The following ADAM10 variants were observed in gnomAD, a reference collection of about 807,000 sequenced individuals.
ADAM10 encodes ADAM metallopeptidase domain 10.
Under a neutral mutation model 90.1 loss-of-function variants are expected in ADAM10, and 17 were observed. That is an observed-to-expected ratio of 0.19 (90% CI 0.13 to 0.28). The LOEUF (loss-of-function observed/expected upper bound fraction) is 0.28. Among genes scored for constraint, ADAM10 ranks in the 10% least tolerant of loss-of-function variants. The pLI, the probability that ADAM10 is intolerant of heterozygous loss-of-function variation, is 1.00. For missense variants in ADAM10, 610 were observed against 914.3 expected (o/e 0.67, Z 4.29); for synonymous variants, 310 against 298.6 (o/e 1.04, Z -0.40).
At chr15:58,687,201 T>C (rs1897626209) in intron 2 of ADAM10, among the ~76,000 whole-genome samples, 1 of 152,206 alleles carries the variant, frequency 6.6e-6, no homozygotes, top group Non-Finnish European at 1.5e-5. Context: ...TAACACTAAT[T>C]ATGGGAGCAG....
chr15:58,729,063 A>G lies in ADAM10; in HGVS notation c.56-11336T>C, dbSNP rs186427982. Among the ~76,000 whole-genome samples, 114 of 152,328 alleles carry G rather than the reference A, an allele frequency of 7.5e-4. 1 individual carries two copies. Among genetic ancestry groups the G allele is most frequent in the South Asian group, 1.2e-3 (6 of 4,826 alleles). ...TCCAATTCAACACTGAATCTAAAAT[A>G]AAAGAAAATATGAGCCATGTGCAGT... On this transcript the variant is annotated intron_variant, in intron 1 of 15. Transcript: ENST00000260408.
chr15:58,743,318 T>C (rs1305086072), intron 1 of ADAM10, among the ~76,000 whole-genome samples: 2 of 152,302 alleles, frequency 1.3e-5, no homozygotes, highest in East Asian at 3.9e-4. Context: ...CAGTGGCCAA[T>C]GACTGCCCTT....
intron 10 of ADAM10, among the ~76,000 whole-genome samples, chr15:58,626,976 A>G (rs1374636727): frequency 6.6e-6 from 1 of 152,204 alleles, no homozygotes; most frequent in Non-Finnish European, 1.5e-5. Context: ...ACTTTATGCT[A>G]TATATATTTT....
chr15:58,638,250 GA>G (rs1452913988), intron 8 of ADAM10, among the ~76,000 whole-genome samples: 2 of 152,036 alleles, frequency 1.3e-5, no homozygotes, highest in Non-Finnish European at 1.5e-5. Context: ...CAGAGGGGGG[GA>G]AAATGGGGAT....
chr15:58,673,804 G>A (rs1037867821), intron 4 of ADAM10, among the ~76,000 whole-genome samples: 2 of 150,878 alleles, frequency 1.3e-5, no homozygotes, highest in Non-Finnish European at 2.9e-5. Context: ...GCATGATCTC[G>A]GCTCACTGCA....
intron 15 of ADAM10, 63 bp from the exon 16 acceptor site, chr15:58,597,704 C>T (rs911442712): frequency 8.2e-6 from 13 of 1,578,428 alleles, no homozygotes; most frequent in Non-Finnish European, 1.0e-5. Context: ...TCTTTAAAAG[C>T]AAAGCTGCTG....
intron 3 of ADAM10, among the ~76,000 whole-genome samples, chr15:58,680,403 G>A (rs1010689105): frequency 4.6e-5 from 7 of 152,296 alleles, no homozygotes; most frequent in South Asian, 2.1e-4. Context: ...GATTACAGGC[G>A]TGAGTCACCA....
At chr15:58,654,810 C>T (rs1896769996) in intron 5 of ADAM10, among the ~76,000 whole-genome samples, 1 of 152,062 alleles carries the variant, frequency 6.6e-6, no homozygotes, top group Admixed American at 6.6e-5. Context: ...TCAAAGACTC[C>T]TTTTGTTATT....
intron 11 of ADAM10, among the ~76,000 whole-genome samples, chr15:58,616,324 A>C (rs1895614062): frequency 6.6e-6 from 1 of 152,228 alleles, no homozygotes; most frequent in Non-Finnish European, 1.5e-5. Context: ...CTGTGGCAGA[A>C]TACACATTCT....
intron 5 of ADAM10, among the ~76,000 whole-genome samples, chr15:58,663,796 T>C (rs768988233): frequency 2.2e-4 from 34 of 152,118 alleles, no homozygotes; most frequent in Non-Finnish European, 4.4e-4. Flanking sequence ...CTATAATATA[T>C]AATATTCTCT....
chr15:58,703,278 T>C (rs1423741419), intron 2 of ADAM10, among the ~76,000 whole-genome samples: 2 of 146,570 alleles, frequency 1.4e-5, no homozygotes, highest in Non-Finnish European at 3.0e-5. Flanking sequence ...AGGAAAACAA[T>C]TTGGTATTCC....
chr15:58,738,543 G>A lies in ADAM10; in HGVS notation c.55+10937C>T, dbSNP rs553074343. Among the ~76,000 whole-genome samples the A allele has an allele frequency of 9.9e-5, 15 of 152,266 alleles. No individual in the cohort carries two copies. In the East Asian group the frequency reaches 2.9e-3, roughly 29 times the overall value. On this transcript the variant is annotated intron_variant, in intron 1 of 15. Coordinates refer to ENST00000260408, the MANE Select transcript of ADAM10 (RefSeq NM_001110.4). ...TACAAGTTAAAGTTCAAGATAGGAG[G>A]GAGTGTCTACAATTAAAAGCCTATT... is the stretch of plus-strand genomic sequence containing the variant.
intron 2 of ADAM10, 38 bp downstream of exon 2, chr15:58,717,539 G>A (rs750262926): frequency 1.9e-6 from 3 of 1,612,564 alleles, no homozygotes; most frequent in East Asian, 4.5e-5. Flanking sequence ...ATTGAATATA[G>A]AGGAACTTCA....
chr15:58,721,655 T>C (rs1162989323), intron 1 of ADAM10, among the ~76,000 whole-genome samples: 1 of 151,544 alleles, frequency 6.6e-6, no homozygotes, highest in Non-Finnish European at 1.5e-5. Context: ...GAGGCCAGAG[T>C]GGGAGGATCA....
At chr15:58,734,308 C>A (rs1422177274) in intron 1 of ADAM10, among the ~76,000 whole-genome samples, 5 of 152,128 alleles carry the variant, frequency 3.3e-5, no homozygotes, top group Admixed American at 2.6e-4. Context: ...CAAGTGAGAA[C>A]TATTAGCCCA....
intron 5 of ADAM10, 151 bp from the exon 6 acceptor site, chr15:58,646,355 T>G: frequency 1.2e-6 from 1 of 805,296 alleles, no homozygotes; most frequent in South Asian, 1.6e-5. Flanking sequence ...AAAATCACTT[T>G]GTCTCATAAT....
intron 2 of ADAM10, among the ~76,000 whole-genome samples, chr15:58,699,857 A>G (rs1898082605): frequency 6.6e-6 from 1 of 152,186 alleles, no homozygotes; most frequent in African/African-American, 2.4e-5. Flanking sequence ...ACATACCAGT[A>G]ATAACCTTAA....
chr15:58,598,522 A>G (rs1394617481), intron 15 of ADAM10, among the ~76,000 whole-genome samples: 14 of 152,248 alleles, frequency 9.2e-5, no homozygotes, highest in Admixed American at 9.2e-4. Context: ...GAGGGAAAAC[A>G]GAGAAAAAGT....
intron 14 of ADAM10, among the ~76,000 whole-genome samples, chr15:58,603,222 T>C (rs1895163487): frequency 1.3e-5 from 2 of 152,332 alleles, no homozygotes; most frequent in Admixed American, 1.3e-4. Flanking sequence ...TATTGTTTTT[T>C]GTTTTTATTC....
Sources: gnomAD v4.1 joint callset for allele counts (sites outside exome capture counted in the v4.1 genomes callset) on GRCh38, gnomAD v4.1.1 for gene constraint, MANE v1.5 for transcripts, NCBI Gene and HGNC (gene_info 2026-07-23, HGNC 2026-07-21) for gene names.